The following FUBP3 variants were observed in gnomAD, a reference collection of about 807,000 sequenced individuals.
FUBP3 encodes far upstream element-binding protein 3.
In FUBP3, 28 loss-of-function variants were observed where a neutral mutation model predicts 85.6. The ratio of observed to expected loss-of-function variants is 0.33; its 90% confidence interval spans 0.24 to 0.45. FUBP3 has a LOEUF of 0.45. Among genes scored for constraint, FUBP3 ranks in the 20% least tolerant of loss-of-function variants. The pLI is 1.00. For missense variants in FUBP3, 583 were observed against 755.1 expected (o/e 0.77, Z 2.67); for synonymous variants, 271 against 271.4 (o/e 1.00, Z 0.01).
chr9:130,610,694 C>T (rs1201739634), intron 3 of FUBP3, among the ~76,000 whole-genome samples: 2 of 152,302 alleles, frequency 1.3e-5, no homozygotes, highest in East Asian at 3.9e-4. Context: ...GAATTTTGTG[C>T]TATGTATCTG....
At chr9:130,613,353 G>A (rs1831846934) in intron 5 of FUBP3, among the ~76,000 whole-genome samples, 1 of 152,164 alleles carries the variant, frequency 6.6e-6, no homozygotes, top group African/African-American at 2.4e-5. Flanking sequence ...GGGGCCTGTA[G>A]GAATCCTATG....
At chr9:130,605,927 T>G (rs866073183) in intron 2 of FUBP3, among the ~76,000 whole-genome samples, 2 of 132,356 alleles carry the variant, frequency 1.5e-5, no homozygotes, top group African/African-American at 5.0e-5. Flanking sequence ...GAGGTTGCAG[T>G]GAGCCGAGAT....
At chr9:130,617,726 C>T (rs559145715) in intron 7 of FUBP3, 71 bp from the exon 8 acceptor site, 17 of 977,792 alleles carry the variant, frequency 1.7e-5, no homozygotes, top group Admixed American at 3.4e-5. Flanking sequence ...TGACTGGGTC[C>T]GATTTTGTGC....
chr9:130,626,757 C>T (rs1280268317), intron 12 of FUBP3, among the ~76,000 whole-genome samples: 1 of 152,192 alleles, frequency 6.6e-6, no homozygotes, highest in Non-Finnish European at 1.5e-5. Context: ...AAACTCCCTG[C>T]CTGTTGAGGG....
chr9:130,637,037 G>A lies in FUBP3; in HGVS notation c.*15G>A. 1 of 1,607,716 alleles carries A rather than the reference G, an allele frequency of 6.2e-7. No individual in the cohort carries two copies. The highest frequency in any genetic ancestry group is 8.5e-7 in the Non-Finnish European group (1 of 1,174,294). On this transcript the variant is annotated 3_prime_UTR_variant, in exon 19 of 19. Coordinates refer to ENST00000319725, the MANE Select transcript of FUBP3 (RefSeq NM_003934.2). ...AGGAGCAGTAGGACAGCGTCCTCGT[G>A]GCCAACTCTCCCCTCAAAATCATTG...
At chr9:130,596,636 A>G (rs1319574521) in intron 2 of FUBP3, 1 of 431,408 alleles carries the variant, frequency 2.3e-6, no homozygotes, top group Non-Finnish European at 4.7e-6. Context: ...AGCTGGGACT[A>G]CAGGCATGAG....
In FUBP3 at chr9:130,616,302, C is replaced by T; in HGVS notation, c.405-53C>T. On this transcript the variant is annotated intron_variant, in intron 6 of 18. Transcript: ENST00000319725. This position sits in a 1 kb window ranked among gnomAD's most constrained non-coding sequence, Gnocchi z 4.7. ...CAGTGCTATTTCCCTGTCTTGCACA[C>T]TTAGAGCCTCCATTTAATGCTGGTT... The T allele has an allele frequency of 6.3e-7, 1 of 1,576,936 alleles. No individual in the cohort carries two copies. The highest frequency in any genetic ancestry group is 8.7e-7 in the Non-Finnish European group (1 of 1,148,250).
intron 3 of FUBP3, among the ~76,000 whole-genome samples, chr9:130,610,322 C>T (rs1420885032): frequency 6.6e-6 from 1 of 152,128 alleles, no homozygotes; most frequent in Non-Finnish European, 1.5e-5. Context: ...TTTATTAATC[C>T]TTAACCCCTT....
At chr9:130,633,262 AAACG>A (rs1830288079) in intron 16 of FUBP3, among the ~76,000 whole-genome samples, 1 of 152,212 alleles carries the variant, frequency 6.6e-6, no homozygotes, top group Non-Finnish European at 1.5e-5. Context: ...TCTTATTATG[AAACG>A]TTTCAAATAT....
At chr9:130,596,138 A>C (rs551311037) in intron 2 of FUBP3, among the ~76,000 whole-genome samples, 1 of 152,312 alleles carries the variant, frequency 6.6e-6, no homozygotes, top group East Asian at 1.9e-4. Flanking sequence ...CATCCCAAAA[A>C]GAATTTGAGA....
chr9:130,624,065 C>T (rs1829867066), intron 11 of FUBP3, among the ~76,000 whole-genome samples: 1 of 152,184 alleles, frequency 6.6e-6, no homozygotes, highest in Non-Finnish European at 1.5e-5. Flanking sequence ...GTAGAAGACA[C>T]TTCAGGGTCC....
At chr9:130,622,267 G>A (rs1227637026) in intron 9 of FUBP3, among the ~76,000 whole-genome samples, 3 of 149,204 alleles carry the variant, frequency 2.0e-5, no homozygotes, top group Non-Finnish European at 4.4e-5. Flanking sequence ...GGAGGTTGCA[G>A]TGAGCCAAGA....
chr9:130,604,165 T>A (rs1315322176), intron 2 of FUBP3, among the ~76,000 whole-genome samples: 1 of 152,182 alleles, frequency 6.6e-6, no homozygotes, highest in Non-Finnish European at 1.5e-5. Context: ...ATCCCCTTTA[T>A]GTAACCTTTT....
intron 1 of FUBP3, among the ~76,000 whole-genome samples, chr9:130,594,526 T>G (rs528467358): frequency 1.8e-4 from 27 of 151,958 alleles, no homozygotes; most frequent in African/African-American, 6.5e-4. Context: ...GAGGTTACAG[T>G]GAGCTGAGAT....
chr9:130,634,070 G>A (rs1024683213), intron 16 of FUBP3, among the ~76,000 whole-genome samples: 4 of 152,212 alleles, frequency 2.6e-5, no homozygotes, highest in Non-Finnish European at 5.9e-5. Context: ...GTTCCCCCAT[G>A]CTGGCTGTTT....
intron 1 of FUBP3, among the ~76,000 whole-genome samples, chr9:130,584,653 G>A (rs976663394): frequency 1.3e-5 from 2 of 151,034 alleles, no homozygotes; most frequent in Non-Finnish European, 2.9e-5. Flanking sequence ...TGGATCACTT[G>A]AGGTCAGGAG....
chr9:130,608,082 G>A (rs2119061972), intron 2 of FUBP3, among the ~76,000 whole-genome samples: 1 of 152,340 alleles, frequency 6.6e-6, no homozygotes, highest in South Asian at 2.1e-4. Context: ...ATATTCTTGT[G>A]AATCTCAGGA....
chr9:130,628,104 GCACACA>G (rs71499253), intron 12 of FUBP3, among the ~76,000 whole-genome samples: 16 of 149,058 alleles, frequency 1.1e-4, no homozygotes, highest in East Asian at 6.1e-4. Flanking sequence ...GCACGCACGC[GCACACA>G]CACACACACA....
intron 1 of FUBP3, chr9:130,581,760 G>A (rs911417817): frequency 1.3e-5 from 2 of 152,138 alleles, no homozygotes; most frequent in African/African-American, 4.8e-5. Flanking sequence ...CCCCTTTTAT[G>A]TCTCCTCATA....
Sources: allele counts gnomAD v4.1 joint callset (sites outside exome capture counted in the v4.1 genomes callset), GRCh38; gene constraint gnomAD v4.1.1; non-coding constraint Gnocchi (gnomAD v3.1); transcripts MANE v1.5; gene names NCBI Gene and HGNC (gene_info 2026-07-23, HGNC 2026-07-21).